Variants in DTNB observed in about 807,000 individuals in gnomAD.
DTNB encodes dystrobrevin beta.
In DTNB, 63 loss-of-function variants were observed where a neutral mutation model predicts 90.7. The observed-to-expected ratio is 0.69, with a 90% CI of 0.57 to 0.86. The LOEUF is 0.86. Among genes scored for constraint, DTNB ranks in the 40% least tolerant of loss-of-function variants. The pLI is 0.00. For missense variants in DTNB, 744 were observed against 807.1 expected (o/e 0.92, Z 0.95); for synonymous variants, 277 against 286.7 (o/e 0.97, Z 0.34).
intron 1 of DTNB, among the ~76,000 whole-genome samples, chr2:25,654,280 GGCCTGGTTCTCAACCA>G (rs1180359799): frequency 6.6e-6 from 1 of 152,122 alleles, no homozygotes; most frequent in Non-Finnish European, 1.5e-5. Context: ...TTTAGAGATT[GGCCTGGTTCTCAACCA>G]GGGACAATTT....
In DTNB at chr2:25,387,493, G is replaced by C; in HGVS notation, c.1736-115C>G. On this transcript the variant is annotated intron_variant, in intron 17 of 20. Transcript: ENST00000406818. The surrounding 1 kb of genome is among the most constrained non-coding windows in gnomAD (Gnocchi z 4.5). ...AGAACACAGGTGTGGAACACCTAAG[G>C]GGAGATGGGGCCACAGCAGCTCCAC... 1 of 929,422 alleles carries C rather than the reference G, an allele frequency of 1.1e-6. No individual in the cohort carries two copies. The highest frequency in any genetic ancestry group is 1.6e-6 in the Non-Finnish European group (1 of 613,864). 57.6% of individuals were successfully genotyped at this position (929,422 alleles called of 1,614,324 possible).
At chr2:25,669,596 G>A (rs1015362736) in intron 1 of DTNB, among the ~76,000 whole-genome samples, 2 of 152,180 alleles carry the variant, frequency 1.3e-5, no homozygotes, top group Non-Finnish European at 2.9e-5. Flanking sequence ...AGGGCTGGCA[G>A]GATGCATTTG....
chr2:25,638,312 C>T (rs1409052533), intron 3 of DTNB, among the ~76,000 whole-genome samples: 2 of 152,158 alleles, frequency 1.3e-5, no homozygotes, highest in East Asian at 3.8e-4. Flanking sequence ...ACATATGTAA[C>T]AAACCTGCAC....
At chr2:25,580,698 T>C (rs2061436581) in intron 7 of DTNB, 23 bp downstream of exon 7, 1 of 1,597,030 alleles carries the variant, frequency 6.3e-7, no homozygotes, top group Admixed American at 1.7e-5. Context: ...CATGCGGAAT[T>C]GAACAATAAA....
intron 3 of DTNB, among the ~76,000 whole-genome samples, chr2:25,633,784 C>T (rs983363845): frequency 1.3e-5 from 2 of 151,528 alleles, no homozygotes; most frequent in Admixed American, 6.6e-5. Flanking sequence ...TCTGCCCGGC[C>T]GCTCATCGTC....
intron 12 of DTNB, among the ~76,000 whole-genome samples, chr2:25,447,435 G>A (rs780886851): frequency 1.3e-5 from 2 of 151,708 alleles, no homozygotes; most frequent in Admixed American, 1.3e-4. Flanking sequence ...CAGAGGAGAC[G>A]ACTTCTTCCA....
intron 4 of DTNB, among the ~76,000 whole-genome samples, chr2:25,626,612 T>G (rs1450987508): frequency 1.3e-5 from 2 of 152,158 alleles, no homozygotes; most frequent in Non-Finnish European, 2.9e-5. Context: ...ATAAGTAAAT[T>G]TCTTTAATAA....
chr2:25,664,745 G>C (rs1442357516), intron 1 of DTNB, among the ~76,000 whole-genome samples: 1 of 152,232 alleles, frequency 6.6e-6, no homozygotes, highest in Non-Finnish European at 1.5e-5. Context: ...AGGATTAGGG[G>C]TGTTAGAAGT....
At position 25,564,676 on chromosome 2, in the gene DTNB, C is replaced by G. The variant is rs2058755380; in HGVS notation, c.876+12162G>C. On this transcript the variant is annotated intron_variant, in intron 8 of 20. Transcript: ENST00000406818. The stretch of plus-strand genomic sequence containing the variant: ...GTGCTGGGATTATGGGCATGAGCCA[C>G]CACACTCGGCCTATTTCTTTCAGCC... 2.0e-5 allele frequency among the ~76,000 whole-genome samples: 3 copies of G among 152,192 alleles called. No homozygotes were observed. In the South Asian group the frequency reaches 6.2e-4, roughly 32 times the overall value.
intron 6 of DTNB, among the ~76,000 whole-genome samples, chr2:25,587,732 A>G (rs1012131240): frequency 6.6e-6 from 1 of 152,168 alleles, no homozygotes; most frequent in Non-Finnish European, 1.5e-5. Context: ...TCACAGGCCC[A>G]ACTAGAATAA....
At position 25,539,694 on chromosome 2, in the gene DTNB, CTA is replaced by C. The variant is rs576288917; in HGVS notation, c.877-8099_877-8098del. ...ATTATGAGGCTTGTTTCTCACTCTG[CTA>C]TGTTTTTGATGAACATCTTTAAATA... is the stretch of plus-strand genomic sequence containing the variant. On this transcript the variant is annotated intron_variant, in intron 8 of 20. Coordinates refer to ENST00000406818, the MANE Select transcript of DTNB (RefSeq NM_021907.5). Among the ~76,000 whole-genome samples, 314 of 151,316 alleles carry C rather than the reference CTA, an allele frequency of 2.1e-3. 2 individuals are homozygous for C. The highest frequency in any genetic ancestry group is 7.3e-3 in the African/African-American group (301 of 41,232).
chr2:25,560,115 G>A (rs757531661), intron 8 of DTNB, among the ~76,000 whole-genome samples: 52 of 152,242 alleles, frequency 3.4e-4, no homozygotes, highest in Non-Finnish European at 4.6e-4. Flanking sequence ...TAGGCATGTT[G>A]GCGCATGCCT....
chr2:25,663,117 G>T (rs1486075260), intron 1 of DTNB, among the ~76,000 whole-genome samples: 1 of 150,226 alleles, frequency 6.7e-6, no homozygotes, highest in African/African-American at 2.5e-5. Context: ...CTGTATCCAT[G>T]TGTTCTCACT....
intron 15 of DTNB, among the ~76,000 whole-genome samples, chr2:25,425,480 T>A (rs2051235000): frequency 6.6e-6 from 1 of 152,266 alleles, no homozygotes; most frequent in East Asian, 1.9e-4. Flanking sequence ...GATATTCTCC[T>A]GGGCTACCAC....
chr2:25,402,728 G>A (rs2044063788), intron 16 of DTNB, among the ~76,000 whole-genome samples: 1 of 152,186 alleles, frequency 6.6e-6, no homozygotes, highest in South Asian at 2.1e-4. Flanking sequence ...TGGCTGGTGA[G>A]GCAAGCTGCG....
At chr2:25,642,998 C>T (rs552624284) in intron 2 of DTNB, among the ~76,000 whole-genome samples, 1 of 152,212 alleles carries the variant, frequency 6.6e-6, no homozygotes, top group South Asian at 2.1e-4. Flanking sequence ...AGCAATCGTG[C>T]CCACCTCAGC....
At chr2:25,386,181 AAGCTGGGCTAT>A in intron 18 of DTNB, 6 of 903,854 alleles carry the variant, frequency 6.6e-6, no homozygotes, top group Non-Finnish European at 7.9e-6. Context: ...TGGAAAGACG[AAGCTGGGCTAT>A]ACACTCACTT....
intron 1 of DTNB, among the ~76,000 whole-genome samples, chr2:25,655,338 A>G (rs1280241975): frequency 6.6e-6 from 1 of 152,134 alleles, no homozygotes; most frequent in Non-Finnish European, 1.5e-5. Context: ...CCTCCTGGAG[A>G]TATGTGCCTA....
chr2:25,397,111 C>T (rs998232444), intron 16 of DTNB, among the ~76,000 whole-genome samples: 4 of 149,696 alleles, frequency 2.7e-5, no homozygotes, highest in African/African-American at 9.8e-5. Flanking sequence ...CAATTCCATT[C>T]CTAGGTATAT....
Sources: gnomAD v4.1 joint callset for allele counts (sites outside exome capture counted in the v4.1 genomes callset) on GRCh38, gnomAD v4.1.1 for gene constraint, Gnocchi (gnomAD v3.1) non-coding constraint, MANE v1.5 for transcripts, NCBI Gene and HGNC (gene_info 2026-07-23, HGNC 2026-07-21) for gene names.